Variants in CHD9 observed in about 807,000 individuals in gnomAD.
CHD9 encodes chromodomain helicase DNA binding protein 9.
In CHD9, 77 loss-of-function variants were observed where a neutral mutation model predicts 316.1. The observed-to-expected ratio is 0.24, with a 90% CI of 0.20 to 0.29. The LOEUF is 0.29. Ranked by LOEUF, CHD9 falls within the 10% of genes least tolerant of loss-of-function variation. CHD9 has a pLI of 1.00. For synonymous variants in CHD9, 1,129 were observed against 1,158.3 expected (o/e 0.97, Z 0.51); for missense variants, 2,763 against 3,438.1 (o/e 0.80, Z 4.91).
At chr16:53,220,090 A>G (rs2047110026) in intron 3 of CHD9, among the ~76,000 whole-genome samples, 1 of 152,222 alleles carries the variant, frequency 6.6e-6, no homozygotes, top group Non-Finnish European at 1.5e-5. Flanking sequence ...AGGAAAAGGG[A>G]CTAGAACAGA....
chr16:53,277,557 TA>T (rs1428529086), intron 24 of CHD9, among the ~76,000 whole-genome samples: 1 of 152,172 alleles, frequency 6.6e-6, no homozygotes, highest in African/African-American at 2.4e-5. Context: ...ACTTTATGAT[TA>T]AAACTCTCAG....
At chr16:53,272,129 A>G (rs1404169483) in intron 22 of CHD9, among the ~76,000 whole-genome samples, 1 of 152,144 alleles carries the variant, frequency 6.6e-6, no homozygotes, top group Non-Finnish European at 1.5e-5. Flanking sequence ...ACACCAAACA[A>G]GCTTAAAAGT....
At chr16:53,184,239 A>T (rs566593275) in intron 2 of CHD9, among the ~76,000 whole-genome samples, 1 of 129,880 alleles carries the variant, frequency 7.7e-6, no homozygotes, top group East Asian at 2.2e-4. Context: ...ACAGTATTCT[A>T]TTTAATCTTA....
At chr16:53,193,277 T>C (rs2044621269) in intron 2 of CHD9, among the ~76,000 whole-genome samples, 1 of 152,032 alleles carries the variant, frequency 6.6e-6, no homozygotes, top group South Asian at 2.1e-4. Context: ...TGAAACCCTG[T>C]CGCTACTAAA....
Position 53,245,622 on chromosome 16 carries a change from C to T in CHD9, c.3226C>T (p.Pro1076Ser), listed in dbSNP as rs775763083. Residue 1076 changes from proline (P) to serine (S), a missense_variant, in exon 15 of 39, where the codon CCA becomes TCA. Physicochemically the swap from Pro to Ser is moderately conservative, Grantham distance 74 (BLOSUM62 -1). This residue lies in a region of CHD9 where 155 missense variants were observed against 291.8 expected (regional missense o/e 0.53). Transcript: ENST00000447540. The surrounding 1 kb of genome is among the most constrained non-coding windows in gnomAD (Gnocchi z 4.1). ...ACAGAAACTTCAGGCTATCCTGAAA[C>T]CAATGATGTTGAGACGATTAAAAGA... is the stretch of plus-strand genomic sequence containing the variant. Reference protein sequence around the residue: ...QVQKLQAILKPMMLRRLKEDV... With the variant: ...QVQKLQAILKSMMLRRLKEDV... 2 of 1,584,692 alleles carry T rather than the reference C, an allele frequency of 1.3e-6. No homozygotes were observed. Among genetic ancestry groups the T allele is most frequent in the Non-Finnish European group, 1.7e-6 (2 of 1,168,764 alleles).
chr16:53,086,180 C>A (rs543417593), intron 1 of CHD9, among the ~76,000 whole-genome samples: 1 of 152,162 alleles, frequency 6.6e-6, no homozygotes, highest in African/African-American at 2.4e-5. Flanking sequence ...CGTGGGTCTC[C>A]CTTTATCAGA....
At chr16:53,256,677 A>G (rs2216069) in intron 19 of CHD9, among the ~76,000 whole-genome samples, 72,969 of 148,728 alleles carry the variant, frequency 0.49, 18,681 homozygotes, top group African/African-American at 0.61. Flanking sequence ...TCAAGACATG[A>G]TAAACTTACC....
chr16:53,107,807 G>C (rs1272028613), intron 1 of CHD9, among the ~76,000 whole-genome samples: 1 of 152,228 alleles, frequency 6.6e-6, no homozygotes, highest in Non-Finnish European at 1.5e-5. Flanking sequence ...GGTCACAGCA[G>C]TGAGGACGTA....
intron 19 of CHD9, among the ~76,000 whole-genome samples, chr16:53,260,745 C>T (rs1280130409): frequency 6.6e-6 from 1 of 152,164 alleles, no homozygotes; most frequent in Non-Finnish European, 1.5e-5. Flanking sequence ...CTTCCTAAGA[C>T]TGCCTGCATT....
chr16:53,171,159 T>C (rs145725135), intron 2 of CHD9, among the ~76,000 whole-genome samples: 2,123 of 152,132 alleles, frequency 0.014, 22 homozygotes, highest in Non-Finnish European at 0.023. Context: ...CCTGTAATCC[T>C]AGCACTTTGG....
chr16:53,282,813 G>T (rs2053537187), intron 24 of CHD9, among the ~76,000 whole-genome samples: 1 of 151,972 alleles, frequency 6.6e-6, no homozygotes, highest in Non-Finnish European at 1.5e-5. Context: ...ATGCTTCTGT[G>T]ATACCATTCT....
intron 1 of CHD9, among the ~76,000 whole-genome samples, chr16:53,124,286 G>A (rs1240596958): frequency 1.3e-5 from 2 of 151,950 alleles, no homozygotes; most frequent in Non-Finnish European, 2.9e-5. Context: ...ACCTGAGTAG[G>A]GTAATTTATA....
intron 1 of CHD9, among the ~76,000 whole-genome samples, chr16:53,145,558 T>G (rs1435324806): frequency 1.3e-5 from 2 of 151,836 alleles, no homozygotes; most frequent in Non-Finnish European, 2.9e-5. Flanking sequence ...AATACAAAAT[T>G]AGCTGAGCGT....
intron 2 of CHD9, among the ~76,000 whole-genome samples, chr16:53,180,890 T>G (rs1454642596): frequency 6.6e-6 from 1 of 151,918 alleles, no homozygotes; most frequent in African/African-American, 2.4e-5. Flanking sequence ...TTAGCCAGGT[T>G]GGTCTCAATC....
chr16:53,315,102 C>A, intron 36 of CHD9, 58 bp downstream of exon 36: 1 of 1,204,158 alleles, frequency 8.3e-7, no homozygotes. Context: ...TCAGATCTAT[C>A]ATGATGAAGC....
intron 1 of CHD9, among the ~76,000 whole-genome samples, chr16:53,151,675 C>T (rs992284147): frequency 4.6e-5 from 7 of 152,198 alleles, no homozygotes; most frequent in African/African-American, 1.4e-4. Context: ...TCCTGTTGAA[C>T]AACGATAATG....
At chr16:53,177,920 G>A (rs553135820) in intron 2 of CHD9, among the ~76,000 whole-genome samples, 7 of 152,246 alleles carry the variant, frequency 4.6e-5, no homozygotes, top group Admixed American at 1.3e-4. Context: ...ACCCCAAGAG[G>A]CCTCATGAAT....
intron 1 of CHD9, among the ~76,000 whole-genome samples, chr16:53,084,515 C>T (rs970139928): frequency 1.3e-5 from 2 of 152,092 alleles, no homozygotes; most frequent in African/African-American, 4.8e-5. Flanking sequence ...GAGGCCAAGG[C>T]GGGTGGATCA....
At chr16:53,227,858 G>A (rs900113764) in intron 7 of CHD9, among the ~76,000 whole-genome samples, 2 of 152,048 alleles carry the variant, frequency 1.3e-5, no homozygotes, top group Non-Finnish European at 2.9e-5. Flanking sequence ...GGCCAAGGCG[G>A]TCATATCACG....
Sources: allele counts gnomAD v4.1 joint callset (sites outside exome capture counted in the v4.1 genomes callset), GRCh38; gene constraint gnomAD v4.1.1; regional missense constraint gnomAD v4.1.1; non-coding constraint Gnocchi (gnomAD v3.1); transcripts MANE v1.5; gene names NCBI Gene and HGNC (gene_info 2026-07-23, HGNC 2026-07-21).